Variants in ARHGAP26 observed in about 807,000 individuals in gnomAD.
ARHGAP26 encodes the protein Rho GTPase activating protein 26, also known as rho GTPase-activating protein 26.
ARHGAP26 carries 38 observed loss-of-function variants against 104.8 expected under a neutral mutation model. The observed-to-expected ratio is 0.36, with a 90% CI of 0.28 to 0.48. The LOEUF is 0.48. Ranked by LOEUF, ARHGAP26 falls within the 20% of genes least tolerant of loss-of-function variation. The pLI, the probability that ARHGAP26 is intolerant of heterozygous loss-of-function variation, is 0.99. For synonymous variants in ARHGAP26, 341 were observed against 340.0 expected, an observed-to-expected ratio of 1.00 and a Z score of -0.03; for missense variants, 704 against 947.9, an observed-to-expected ratio of 0.74 and a Z score of 3.38.
At chr5:142,978,774 T>G (rs1369014714) in intron 11 of ARHGAP26, among the ~76,000 whole-genome samples, 1 of 148,898 alleles carries the variant, frequency 6.7e-6, no homozygotes, top group Non-Finnish European at 1.5e-5. Context: ...TTGTAAAAAT[T>G]GAAAATTTTC....
chr5:143,025,312 C>A (rs1780893184), intron 12 of ARHGAP26, among the ~76,000 whole-genome samples: 1 of 152,196 alleles, frequency 6.6e-6, no homozygotes, highest in Non-Finnish European at 1.5e-5. Context: ...TCTGAATGCC[C>A]TCTCTTTCCC....
At chr5:143,136,718 G>T (rs777175826) in intron 19 of ARHGAP26, among the ~76,000 whole-genome samples, 8 of 152,150 alleles carry the variant, frequency 5.3e-5, no homozygotes, top group Admixed American at 2.0e-4. Context: ...CCAGCCACCC[G>T]TCACTGTCGG....
At chr5:142,874,075 G>A (rs963280301) in intron 2 of ARHGAP26, among the ~76,000 whole-genome samples, 2 of 152,196 alleles carry the variant, frequency 1.3e-5, no homozygotes, top group African/African-American at 4.8e-5. Flanking sequence ...GATAGGGAGA[G>A]GAGCTCCGTA....
chr5:143,160,300 C>A (rs777096639), intron 20 of ARHGAP26, among the ~76,000 whole-genome samples: 6 of 151,970 alleles, frequency 3.9e-5, no homozygotes, highest in Non-Finnish European at 8.8e-5. Flanking sequence ...ACCTCACGAT[C>A]CACCTGCCTC....
At position 143,225,409 on chromosome 5, in the gene ARHGAP26, G is replaced by A. The variant is rs555260763; in HGVS notation, c.*2963G>A. The A allele has an allele frequency of 2.8e-4, 53 of 189,148 alleles. No homozygotes were observed. The highest frequency in any genetic ancestry group is 4.9e-4 in the Non-Finnish European group (44 of 89,992). 11.7% of individuals were successfully genotyped at this position (189,148 alleles called of 1,614,324 possible). A position where few individuals can be genotyped will look rare whatever the true frequency, so the allele number is the denominator to read the frequency against. ...TTGCCATGTTTGCCAGGCTGATCTC[G>A]AACTCCTGACCTCAAGTGATCTGCC... On this transcript the variant is annotated 3_prime_UTR_variant, in exon 23 of 23. Transcript: ENST00000645722.
chr5:143,041,183 C>T (rs573047792), intron 13 of ARHGAP26, among the ~76,000 whole-genome samples: 1 of 152,290 alleles, frequency 6.6e-6, no homozygotes, highest in Admixed American at 6.5e-5. Context: ...TGAACAGAAA[C>T]ACTGCAGTGG....
At chr5:143,214,121 C>CG (rs777569697) in intron 22 of ARHGAP26, 33 bp downstream of exon 22, 3 of 635,212 alleles carry the variant, frequency 4.7e-6, no homozygotes, top group Non-Finnish European at 7.2e-6. Context: ...AAGATATGGG[C>CG]GGGGGGCGGG....
intron 10 of ARHGAP26, among the ~76,000 whole-genome samples, chr5:142,923,374 A>C (rs1763457344): frequency 6.6e-6 from 1 of 152,204 alleles, no homozygotes; most frequent in African/African-American, 2.4e-5. Flanking sequence ...AGTACATTCC[A>C]CTTATGTACA....
intron 17 of ARHGAP26, among the ~76,000 whole-genome samples, chr5:143,112,515 T>A (rs1221988152): frequency 6.6e-6 from 1 of 152,108 alleles, no homozygotes. Flanking sequence ...TATTTTTAAG[T>A]GTACAGTTCA....
At chr5:142,781,792 A>G (rs1272815807) in intron 1 of ARHGAP26, among the ~76,000 whole-genome samples, 1 of 151,986 alleles carries the variant, frequency 6.6e-6, no homozygotes, top group Non-Finnish European at 1.5e-5. Flanking sequence ...GCTCACTGCA[A>G]CCTCCGCCTC....
intron 13 of ARHGAP26, 77 bp from the exon 14 acceptor site, chr5:143,041,739 A>T: frequency 2.7e-6 from 3 of 1,115,926 alleles, no homozygotes; most frequent in Non-Finnish European, 2.6e-6. Context: ...AAAAAAAAAA[A>T]AAGTGCATTT....
At chr5:143,144,758 G>A (rs771413737) in intron 19 of ARHGAP26, among the ~76,000 whole-genome samples, 4 of 152,108 alleles carry the variant, frequency 2.6e-5, no homozygotes, top group African/African-American at 2.4e-5. Flanking sequence ...AATTTGTCTT[G>A]GTATAGTTTG....
At chr5:143,211,033 A>G (rs1440755337) in intron 21 of ARHGAP26, among the ~76,000 whole-genome samples, 2 of 152,216 alleles carry the variant, frequency 1.3e-5, no homozygotes, top group Non-Finnish European at 2.9e-5. Flanking sequence ...GCCAAAGCCT[A>G]CAAATACAAT....
At chr5:143,094,859 G>A (rs886650258) in intron 17 of ARHGAP26, among the ~76,000 whole-genome samples, 10 of 151,998 alleles carry the variant, frequency 6.6e-5, no homozygotes, top group Non-Finnish European at 1.3e-4. Context: ...GGAATGAGTC[G>A]GGGTGGAGCA....
intron 12 of ARHGAP26, among the ~76,000 whole-genome samples, chr5:143,035,610 G>A (rs1162080588): frequency 6.6e-6 from 1 of 152,116 alleles, no homozygotes; most frequent in Admixed American, 6.5e-5. Flanking sequence ...GGTGATAGGT[G>A]CATGAAAATC....
chr5:143,214,006 C>A lies in ARHGAP26; in HGVS notation c.2109C>A (p.Phe703Leu). The A allele has an allele frequency of 1.3e-6, 2 of 1,591,060 alleles. No individual in the cohort carries two copies. The highest frequency in any genetic ancestry group is 1.1e-5 in the South Asian group (1 of 88,986). Residue 703 changes from phenylalanine (F) to leucine (L), a missense_variant, in exon 22 of 23, where the codon TTC becomes TTA. Phe to Leu is a conservative substitution (Grantham distance 22). Coordinates refer to ENST00000645722, the MANE Select transcript of ARHGAP26 (RefSeq NM_001135608.3). ...SSDSSPVSTP[F>L]RKAKALYACK... ...TCCTGTTTTCACACAGCACACCGTT[C>A]CGGAAGGCAAAAGCCTTGTATGCCT...
chr5:143,086,396 G>A (rs1475384521), intron 17 of ARHGAP26, among the ~76,000 whole-genome samples: 1 of 150,204 alleles, frequency 6.7e-6, no homozygotes, highest in Non-Finnish European at 1.5e-5. Context: ...CACTTGGTTG[G>A]GTTCCTGAAG....
At chr5:143,003,945 G>A (rs1777544828) in intron 11 of ARHGAP26, among the ~76,000 whole-genome samples, 1 of 151,434 alleles carries the variant, frequency 6.6e-6, no homozygotes, top group African/African-American at 2.4e-5. Context: ...TTTGCGAATT[G>A]GGCAGCCCCC....
At chr5:143,028,188 A>G (rs1781350931) in intron 12 of ARHGAP26, among the ~76,000 whole-genome samples, 1 of 152,138 alleles carries the variant, frequency 6.6e-6, no homozygotes, top group Non-Finnish European at 1.5e-5. Flanking sequence ...GATGATGATG[A>G]TGATAAGAAA....
Sources: gnomAD v4.1 joint callset for allele counts (sites outside exome capture counted in the v4.1 genomes callset) on GRCh38, gnomAD v4.1.1 for gene constraint, MANE v1.5 for transcripts, NCBI Gene and HGNC (gene_info 2026-07-23, HGNC 2026-07-21) for gene names.